The following ANTXR2 variants were observed in gnomAD, a reference collection of about 807,000 sequenced individuals.
ANTXR2 encodes the protein anthrax toxin receptor 2.
A neutral mutation model predicts 73.7 loss-of-function variants in ANTXR2; 44 were observed. The ratio of observed to expected loss-of-function variants is 0.60; its 90% CI spans 0.47 to 0.77. ANTXR2 has a LOEUF of 0.77. Ranked by LOEUF, ANTXR2 falls within the 30% of genes least tolerant of loss-of-function variation. The pLI, the probability that ANTXR2 is intolerant of heterozygous loss-of-function variation, is 0.00. For missense variants in ANTXR2, 604 were observed against 592.5 expected, an observed-to-expected ratio of 1.02 and a Z score of -0.20; for synonymous variants, 217 against 205.9, an observed-to-expected ratio of 1.05 and a Z score of -0.46.
intron 12 of ANTXR2, among the ~76,000 whole-genome samples, chr4:80,002,484 C>G (rs1731094873): frequency 6.6e-6 from 1 of 152,112 alleles, no homozygotes; most frequent in South Asian, 2.1e-4. Context: ...CATTACCATT[C>G]AGGACATAGG....
chr4:79,958,559 A>G (rs142036105), intron 16 of ANTXR2, among the ~76,000 whole-genome samples: 173 of 152,208 alleles, frequency 1.1e-3, no homozygotes, highest in African/African-American at 3.9e-3. Context: ...GAGCCCCTCC[A>G]TGCTCATTTC....
intron 12 of ANTXR2, among the ~76,000 whole-genome samples, chr4:79,992,797 C>T (rs991467262): frequency 4.8e-4 from 73 of 152,156 alleles, no homozygotes; most frequent in African/African-American, 1.7e-3. Context: ...AGCTAACATT[C>T]CTTCCTATCT....
At chr4:79,985,762 G>C (rs1730116930) in intron 12 of ANTXR2, among the ~76,000 whole-genome samples, 1 of 151,710 alleles carries the variant, frequency 6.6e-6, no homozygotes, top group South Asian at 2.1e-4. Flanking sequence ...GCTTGAAGCT[G>C]CTTGTAACAA....
intron 16 of ANTXR2, among the ~76,000 whole-genome samples, chr4:79,931,528 G>C (rs965024144): frequency 3.3e-5 from 5 of 149,500 alleles, no homozygotes; most frequent in African/African-American, 1.2e-4. Context: ...CCAGATAAAT[G>C]CCAGTCATTT....
intron 8 of ANTXR2, 78 bp downstream of exon 8, chr4:80,035,894 A>C: frequency 8.2e-7 from 1 of 1,213,624 alleles, no homozygotes; most frequent in South Asian, 1.4e-5. Context: ...TTTTTCCAAC[A>C]TGAGTTTCAT....
At chr4:79,987,825 A>G (rs1730258006) in intron 12 of ANTXR2, among the ~76,000 whole-genome samples, 1 of 152,174 alleles carries the variant, frequency 6.6e-6, no homozygotes, top group East Asian at 1.9e-4. Flanking sequence ...CTGCAACTTT[A>G]AAGAAAAGAA....
chr4:79,952,255 TACAAC>T (rs1728736652), intron 16 of ANTXR2, among the ~76,000 whole-genome samples: 1 of 151,294 alleles, frequency 6.6e-6, no homozygotes, highest in Non-Finnish European at 1.5e-5. Context: ...ATCTTGACTA[TACAAC>T]TGGTTTTATC....
chr4:79,993,085 C>CA (rs1187151054), intron 12 of ANTXR2, among the ~76,000 whole-genome samples: 9 of 151,930 alleles, frequency 5.9e-5, no homozygotes, highest in African/African-American at 1.2e-4. Context: ...ATTTTATCTA[C>CA]AAAAAAATAG....
intron 10 of ANTXR2, among the ~76,000 whole-genome samples, chr4:80,027,562 T>A (rs1732500742): frequency 6.6e-6 from 1 of 152,162 alleles, no homozygotes; most frequent in Non-Finnish European, 1.5e-5. Context: ...ATCAGTTTCA[T>A]CTGATTTAGA....
At chr4:79,951,912 T>C (rs2109983535) in intron 16 of ANTXR2, among the ~76,000 whole-genome samples, 1 of 152,298 alleles carries the variant, frequency 6.6e-6, no homozygotes, top group Non-Finnish European at 1.5e-5. Context: ...CTTGAATTGA[T>C]GTTTAAATAT....
Position 80,031,565 on chromosome 4 carries a change from A to AT in ANTXR2, c.866+57dup, listed in dbSNP as rs1732695991. 15 of 1,270,344 alleles carry AT rather than the reference A, an allele frequency of 1.2e-5. No individual in the cohort carries two copies. The South Asian group carries it at 2.1e-4, about 18-fold the overall frequency. The allele number at this position is 1,270,344 out of a possible 1,614,324, so 78.7% of individuals were successfully genotyped here. On this transcript the variant is annotated intron_variant, in intron 10 of 16. Transcript: ENST00000403729. Reference sequence around the variant, plus strand: ...TAAAATGACCAATGTATATGTCACCATTTTCTAATAATTTTTTACTAAAAA... The same window carrying AT: ...TAAAATGACCAATGTATATGTCACCATTTTTCTAATAATTTTTTACTAAAAA...
chr4:80,004,637 C>G (rs1158701451), intron 12 of ANTXR2, among the ~76,000 whole-genome samples: 1 of 152,054 alleles, frequency 6.6e-6, no homozygotes, highest in Non-Finnish European at 1.5e-5. Flanking sequence ...CCCTCTGTCT[C>G]CCTTTTATAA....
In ANTXR2 at chr4:79,927,067, A is replaced by ATT. The variant is rs1292942999; in HGVS notation, c.1429-19601_1429-19600insAA. Among the ~76,000 whole-genome samples, 140 of 150,228 alleles carry ATT rather than the reference A, an allele frequency of 9.3e-4. 2 individuals are homozygous for ATT. Among genetic ancestry groups the ATT allele is most frequent in the Admixed American group, 3.7e-3 (56 of 14,956 alleles). On this transcript the variant is annotated intron_variant, in intron 16 of 16. Coordinates refer to ENST00000403729, the MANE Select transcript of ANTXR2 (RefSeq NM_058172.6). ...TATATGTGCGTGTGTGTGTGTATAT[A>ATT]TATATATATATGAATATTATTCAGC...
intron 7 of ANTXR2, among the ~76,000 whole-genome samples, chr4:80,049,012 T>A (rs1733647381): frequency 6.6e-6 from 1 of 151,742 alleles, no homozygotes. Flanking sequence ...ACTCTGGCAT[T>A]AACTACCATC....
intron 16 of ANTXR2, among the ~76,000 whole-genome samples, chr4:79,957,507 C>G (rs1374476940): frequency 6.6e-6 from 1 of 152,010 alleles, no homozygotes; most frequent in African/African-American, 2.4e-5. Flanking sequence ...ATCTAAGCTA[C>G]TGATTATACT....
At chr4:80,071,952 C>T (rs921890177) in intron 1 of ANTXR2, among the ~76,000 whole-genome samples, 7 of 152,196 alleles carry the variant, frequency 4.6e-5, no homozygotes, top group Non-Finnish European at 8.8e-5. Flanking sequence ...AACACAAAAG[C>T]CTTTCTTCGC....
intron 16 of ANTXR2, among the ~76,000 whole-genome samples, chr4:79,973,641 C>A (rs1479138175): frequency 6.6e-6 from 1 of 152,088 alleles, no homozygotes; most frequent in Non-Finnish European, 1.5e-5. Flanking sequence ...GTTGGCCAGG[C>A]TAGTCTCCAA....
chr4:79,953,187 G>C (rs1019083275), intron 16 of ANTXR2, among the ~76,000 whole-genome samples: 3 of 152,174 alleles, frequency 2.0e-5, no homozygotes, highest in Middle Eastern at 3.4e-3. Context: ...AAAATAGCTG[G>C]CAGCCCATTT....
intron 3 of ANTXR2, among the ~76,000 whole-genome samples, chr4:80,058,292 C>G (rs4690111): frequency 0.14 from 21,647 of 151,972 alleles, 2,846 homozygotes; most frequent in East Asian, 0.71. Flanking sequence ...GGAAGAGAGA[C>G]AGCAGTTTGC....
Sources: allele counts gnomAD v4.1 joint callset (sites outside exome capture counted in the v4.1 genomes callset), GRCh38; gene constraint gnomAD v4.1.1; transcripts MANE v1.5; gene names NCBI Gene and HGNC (gene_info 2026-07-23, HGNC 2026-07-21).